Variants in MRC2 observed in about 807,000 individuals in gnomAD.
MRC2 encodes the protein mannose receptor C-type 2.
Under a neutral mutation model 206.2 loss-of-function variants are expected in MRC2, and 84 were observed. That is an observed-to-expected ratio of 0.41 (90% CI 0.34 to 0.49). The LOEUF (loss-of-function observed/expected upper bound fraction) is 0.49, where lower values mean the gene tolerates loss of function less well. Ranked by LOEUF, MRC2 falls within the 20% of genes least tolerant of loss-of-function variation. The pLI, the probability that MRC2 is intolerant of heterozygous loss-of-function variation, is 0.31. For synonymous variants in MRC2, 798 were observed against 800.0 expected, an observed-to-expected ratio of 1.00 and a Z score of 0.04; for missense variants, 1,676 against 2,001.5, an observed-to-expected ratio of 0.84 and a Z score of 3.10.
Position 62,664,489 on chromosome 17 carries a change from C to A in MRC2, c.119-59C>A. 3 of 1,542,480 alleles carry A rather than the reference C, an allele frequency of 1.9e-6. No individual in the cohort carries two copies. In the South Asian group the frequency reaches 3.7e-5, roughly 19 times the overall value. On this transcript the variant is annotated intron_variant, in intron 1 of 29. Coordinates refer to ENST00000303375, the MANE Select transcript of MRC2 (RefSeq NM_006039.5). This position sits in a 1 kb window ranked among gnomAD's most constrained non-coding sequence, Gnocchi z 4.7. ...GTAGGTGCCTGTCAGCCACACCGGTCATCAAGGGCCAACCAGGAGAGCCCC... is the reference window on the plus strand; with the variant it reads ...GTAGGTGCCTGTCAGCCACACCGGTAATCAAGGGCCAACCAGGAGAGCCCC...
chr17:62,656,338 C>T (rs1398368118), intron 1 of MRC2, among the ~76,000 whole-genome samples: 1 of 152,104 alleles, frequency 6.6e-6, no homozygotes, highest in Admixed American at 6.5e-5. Flanking sequence ...AGCCACCACG[C>T]CCAGCCTACA....
Position 62,688,848 on chromosome 17 carries a change from C to A in MRC2, c.3226-4C>A, listed in dbSNP as rs559166468. The A allele has an allele frequency of 2.5e-6, 4 of 1,608,008 alleles. No homozygotes were observed. Among genetic ancestry groups the A allele is most frequent in the African/African-American group, 1.3e-5 (1 of 74,884 alleles). On this transcript the variant is annotated splice_polypyrimidine_tract_variant and splice_region_variant and intron_variant, in intron 22 of 29. Coordinates refer to ENST00000303375, the MANE Select transcript of MRC2 (RefSeq NM_006039.5). ...GGCTCCCCTGAGCAGCTCCCTCCCC[C>A]CAGACCAGCTGTGCAGTGGTCCTGC...
At chr17:62,670,234 C>T (rs964845371) in intron 6 of MRC2, among the ~76,000 whole-genome samples, 1 of 152,242 alleles carries the variant, frequency 6.6e-6, no homozygotes, top group Non-Finnish European at 1.5e-5. Context: ...GGCAGGCGCC[C>T]CGTCGTGTCC....
Position 62,693,564 on chromosome 17 carries a change from CAAAT to C in MRC2, c.*1117_*1120del, listed in dbSNP as rs1259767847. On this transcript the variant is annotated 3_prime_UTR_variant, in exon 30 of 30. Coordinates refer to ENST00000303375, the MANE Select transcript of MRC2 (RefSeq NM_006039.5). ...AAAAAAAGGAAAAAAGAAAAGCAAA[CAAAT>C]AAAACACCTTTAAGAGGCTTGAAAG... 2.6e-5 allele frequency: 4 copies of C among 152,442 alleles called. No individual in the cohort carries two copies. The highest frequency in any genetic ancestry group is 4.1e-4 in the South Asian group (2 of 4,832). The allele number at this position is 152,442 out of a possible 1,614,324, so 9.4% of individuals were successfully genotyped here.
chr17:62,661,162 G>T (rs772692950), intron 1 of MRC2, among the ~76,000 whole-genome samples: 6 of 152,212 alleles, frequency 3.9e-5, no homozygotes, highest in Non-Finnish European at 8.8e-5. Flanking sequence ...GAGCAAGGTG[G>T]AGTAACAAGA....
At chr17:62,691,153 C>T (rs760529913) in intron 28 of MRC2, 25 bp downstream of exon 28, 2 of 1,577,192 alleles carry the variant, frequency 1.3e-6, no homozygotes, top group Non-Finnish European at 1.7e-6. Flanking sequence ...GGCCCACGCT[C>T]AGCCTCCTTC....
intron 6 of MRC2, among the ~76,000 whole-genome samples, chr17:62,670,887 C>T (rs575293976): frequency 6.6e-6 from 1 of 152,234 alleles, no homozygotes; most frequent in South Asian, 2.1e-4. Context: ...CCCTCCTGGG[C>T]TTCCCAGACC....
Position 62,667,884 on chromosome 17 carries a change from A to G in MRC2, c.1117+351A>G, listed in dbSNP as rs1206097019. Among the ~76,000 whole-genome samples the G allele has an allele frequency of 1.3e-5, 2 of 152,240 alleles. No individual in the cohort carries two copies. Among genetic ancestry groups the G allele is most frequent in the Admixed American group, 6.5e-5 (1 of 15,288 alleles). ...TCAGTGTTAGAGGAGCATAGAGAAGAAACTGATTCAGCTTCTGAGAGTTAA... is the reference window on the plus strand; with the variant it reads ...TCAGTGTTAGAGGAGCATAGAGAAGGAACTGATTCAGCTTCTGAGAGTTAA... On this transcript the variant is annotated intron_variant, in intron 6 of 29. Coordinates refer to ENST00000303375, the MANE Select transcript of MRC2 (RefSeq NM_006039.5). This position sits in a 1 kb window ranked among gnomAD's most constrained non-coding sequence, Gnocchi z 4.1.
In MRC2 at chr17:62,692,482, A is replaced by AGGAGCTGG. The variant is rs1264368268; in HGVS notation, c.*42_*49dup. 1.9e-5 allele frequency: 29 copies of AGGAGCTGG among 1,538,488 alleles called. No homozygotes were observed. In the East Asian group the frequency reaches 6.4e-4, roughly 34 times the overall value. On this transcript the variant is annotated 3_prime_UTR_variant, in exon 30 of 30. Coordinates refer to ENST00000303375, the MANE Select transcript of MRC2 (RefSeq NM_006039.5). This position sits in a 1 kb window ranked among gnomAD's most constrained non-coding sequence, Gnocchi z 4.2. The stretch of plus-strand genomic sequence containing the variant: ...GGCGCGTGGGCAGGGCCAGGGCGGG[A>AGGAGCTGG]GGAGCTGGGGAGCTGGGGCCCTGGG...
At chr17:62,644,857 G>C (rs2088456404) in intron 1 of MRC2, among the ~76,000 whole-genome samples, 1 of 152,112 alleles carries the variant, frequency 6.6e-6, no homozygotes, top group Admixed American at 6.6e-5. Context: ...ACCAGCTGGA[G>C]CTGGTTCTGT....
At position 62,689,646 on chromosome 17, in the gene MRC2, T is replaced by A; in HGVS notation, c.3459T>A (p.Cys1153Ter). 6.2e-7 allele frequency: 1 copy of A among 1,600,430 alleles called. No homozygotes were observed. Among genetic ancestry groups the A allele is most frequent in the Non-Finnish European group, 8.5e-7 (1 of 1,173,780 alleles). ...GCTGGCACGATGCCCTCCTGCTGTG[T>A]GAGAGCCGCAATGCCAGCCTGGCCT... is the stretch of plus-strand genomic sequence containing the variant. ...PLRWHDALLLCESRNASLAYV... is the reference protein window; with the variant it reads ...PLRWHDALLL The change falls in exon 24 of 30, where the codon TGT (cysteine) becomes TGA (stop). Residue 1153 changes from cysteine (C) to a stop codon, truncating the protein, a stop_gained. Coordinates refer to ENST00000303375, the MANE Select transcript of MRC2 (RefSeq NM_006039.5). LOFTEE classifies it high-confidence loss of function.
chr17:62,674,177 G>T lies in MRC2; in HGVS notation c.1569+7G>T, dbSNP rs2088861521. On this transcript the variant is annotated splice_region_variant and intron_variant, in intron 9 of 29. Transcript: ENST00000303375. ...GGACCATGGCTGCCGGAAGGTGAGG[G>T]TGTTTCTGGAGCTGCCCTGAGTGGG... 6.5e-7 allele frequency: 1 copy of T among 1,545,212 alleles called. No homozygotes were observed. Among genetic ancestry groups the T allele is most frequent in the Non-Finnish European group, 8.7e-7 (1 of 1,144,176 alleles).
At chr17:62,669,547 T>C (rs1382434636) in intron 6 of MRC2, among the ~76,000 whole-genome samples, 1 of 151,408 alleles carries the variant, frequency 6.6e-6, no homozygotes, top group African/African-American at 2.4e-5. Flanking sequence ...ATTTATTTTT[T>C]GAAACAGAGT....
rs140965547 is a variant in MRC2 at position 62,664,904 on chromosome 17, C to T, written c.475C>T (p.Arg159Cys). ...TGACCAGACCCGCAGTGGCCAGTGG[C>T]GCATCTACGGCAGCGAGGAGGACCT... ...RGDQTRSGQW[R>C]IYGSEEDLCA... Residue 159 changes from arginine to cysteine, a missense_variant, in exon 2 of 30, where the codon CGC becomes TGC. By Grantham distance (180) the Arg-to-Cys change is radical. Around this residue, in one of 3 missense-constraint regions of MRC2, gnomAD observed 318 missense variants for 346.7 expected, o/e 0.92. Transcript: ENST00000303375. This position sits in a 1 kb window ranked among gnomAD's most constrained non-coding sequence, Gnocchi z 4.7. 1.3e-3 allele frequency: 2,057 copies of T among 1,612,922 alleles called. 5 individuals carry two copies. Among genetic ancestry groups the T allele is most frequent in the Non-Finnish European group, 1.6e-3 (1,884 of 1,179,916 alleles).
chr17:62,666,356 G>GC lies in MRC2; in HGVS notation c.694+94dup. ...GCCCCGGGGCCCAGGGTGAGATACTGCCCCCTCCCCTACCTAGTGTAGCCT... is the reference window on the plus strand; with the variant it reads ...GCCCCGGGGCCCAGGGTGAGATACTGCCCCCCTCCCCTACCTAGTGTAGCCT... On this transcript the variant is annotated intron_variant, in intron 3 of 29. Transcript: ENST00000303375. The surrounding 1 kb of genome is among the most constrained non-coding windows in gnomAD (Gnocchi z 5.0). 6.3e-7 allele frequency: 1 copy of GC among 1,583,578 alleles called. No individual in the cohort carries two copies. The highest frequency in any genetic ancestry group is 1.3e-5 in the African/African-American group (1 of 74,454).
intron 1 of MRC2, among the ~76,000 whole-genome samples, chr17:62,648,877 A>G (rs1250408072): frequency 2.0e-5 from 3 of 152,214 alleles, no homozygotes; most frequent in Non-Finnish European, 2.9e-5. Flanking sequence ...TGTGAAACAC[A>G]AACAGATTCT....
Position 62,666,603 on chromosome 17 carries a change from G to A in MRC2, c.843G>A (p.Glu281=), listed in dbSNP as rs1334921306. 6.3e-7 allele frequency: 1 copy of A among 1,594,066 alleles called. No individual in the cohort carries two copies. Among genetic ancestry groups the A allele is most frequent in the Non-Finnish European group, 8.5e-7 (1 of 1,170,582 alleles). Residue 281 remains glutamate (E), a synonymous_variant, in exon 4 of 30, where the codon GAG becomes GAA. Coordinates refer to ENST00000303375, the MANE Select transcript of MRC2 (RefSeq NM_006039.5). This position sits in a 1 kb window ranked among gnomAD's most constrained non-coding sequence, Gnocchi z 5.0. ...TGCTGAGCATCACGGAGATCCACGA[G>A]CAGACCTACATCAACGGTGAGCCGG... The part of the protein sequence containing the change: ...ADLLSITEIH[E]QTYINGLLTG...
intron 6 of MRC2, among the ~76,000 whole-genome samples, chr17:62,669,867 G>T (rs1232051646): frequency 6.6e-6 from 1 of 152,218 alleles, no homozygotes; most frequent in Non-Finnish European, 1.5e-5. Context: ...ATTCAGGACT[G>T]CTGACCACTG....
At position 62,676,475 on chromosome 17, in the gene MRC2, T is replaced by C. The variant is rs1461181185; in HGVS notation, c.1778T>C (p.Phe593Ser). The change falls in exon 11 of 30, where the codon TTC becomes TCC. Residue 593 changes from phenylalanine (F) to serine (S), a missense_variant. Around this residue, in one of 3 missense-constraint regions of MRC2, gnomAD observed 1,354 missense variants for 1,636.6 expected, o/e 0.83. Transcript: ENST00000303375. ...ALQDLNSTGS[F>S]FWLSGDEVMY... ...CAGGACCTCAACAGCACCGGCTCCTTCTTCTGGCTCAGTGGGGATGAAGTC... is the reference window on the plus strand; with the variant it reads ...CAGGACCTCAACAGCACCGGCTCCTCCTTCTGGCTCAGTGGGGATGAAGTC... The C allele has an allele frequency of 6.2e-7, 1 of 1,613,022 alleles. No homozygotes were observed. Among genetic ancestry groups the C allele is most frequent in the East Asian group, 2.2e-5 (1 of 44,848 alleles).
Sources: allele counts gnomAD v4.1 joint callset (sites outside exome capture counted in the v4.1 genomes callset), GRCh38; gene constraint gnomAD v4.1.1; regional missense constraint gnomAD v4.1.1; non-coding constraint Gnocchi (gnomAD v3.1); transcripts MANE v1.5; gene names NCBI Gene and HGNC (gene_info 2026-07-23, HGNC 2026-07-21).